The following PARP11 variants were observed in gnomAD, a reference collection of about 807,000 sequenced individuals.
PARP11 encodes poly(ADP-ribose) polymerase family member 11, also known as protein mono-ADP-ribosyltransferase PARP11.
In PARP11, 31 loss-of-function variants were observed where a neutral mutation model predicts 42.9. That is an observed-to-expected ratio of 0.72 (90% CI 0.54 to 0.98). The LOEUF (loss-of-function observed/expected upper bound fraction) is 0.98, where lower values mean the gene tolerates loss of function less well. Ranked by LOEUF, PARP11 falls within the 50% of genes least tolerant of loss-of-function variation. PARP11 has a pLI of 0.00. For missense variants in PARP11, 365 were observed against 413.1 expected (o/e 0.88, Z 1.01); for synonymous variants, 137 against 127.3 (o/e 1.08, Z -0.51).
At chr12:3,825,445 T>G (rs1591766127) in intron 4 of PARP11, among the ~76,000 whole-genome samples, 2 of 152,316 alleles carry the variant, frequency 1.3e-5, no homozygotes, top group African/African-American at 4.8e-5. Context: ...GAGATCAATG[T>G]AGGTGGAAAC....
chr12:3,814,162 C>CT lies in PARP11; in HGVS notation c.574dup (p.Arg192LysfsTer7), dbSNP rs768779447. On this transcript the variant is annotated frameshift_variant, in exon 7 of 8. Coordinates refer to ENST00000228820, the MANE Select transcript of PARP11 (RefSeq NM_020367.6). LOFTEE classifies it high-confidence loss of function. ...TTGTTCATTAATCTGAGGCACACCT[C>CT]TTTTTTTCTTGAGCTGAGCCTTTTT... The CT allele has an allele frequency of 2.5e-6, 4 of 1,603,836 alleles. No individual in the cohort carries two copies. Among genetic ancestry groups the CT allele is most frequent in the Non-Finnish European group, 3.4e-6 (4 of 1,173,560 alleles).
chr12:3,864,692 T>C (rs185467401), intron 1 of PARP11, among the ~76,000 whole-genome samples: 4 of 152,338 alleles, frequency 2.6e-5, no homozygotes, highest in Admixed American at 2.6e-4. Flanking sequence ...CTGCTTGATA[T>C]AAAGTTGTTC....
chr12:3,821,661 A>C (rs1228684583), intron 6 of PARP11, among the ~76,000 whole-genome samples: 1 of 152,242 alleles, frequency 6.6e-6, no homozygotes, highest in Non-Finnish European at 1.5e-5. Flanking sequence ...CTTGAAAGGA[A>C]GGAGCTTCTC....
intron 4 of PARP11, 84 bp from the exon 5 acceptor site, chr12:3,822,241 T>G (rs1947410641): frequency 9.9e-7 from 1 of 1,009,626 alleles, no homozygotes; most frequent in African/African-American, 1.6e-5. Flanking sequence ...AAAGCTTAAT[T>G]TTCATTTTCA....
intron 1 of PARP11, among the ~76,000 whole-genome samples, chr12:3,844,844 C>CT (rs1232405155): frequency 6.6e-6 from 1 of 152,064 alleles, no homozygotes; most frequent in Non-Finnish European, 1.5e-5. Context: ...CGCTTTTATC[C>CT]TTTAAGTTTG....
intron 6 of PARP11, among the ~76,000 whole-genome samples, chr12:3,815,641 C>T (rs190033990): frequency 1.4e-4 from 22 of 152,204 alleles, no homozygotes; most frequent in Admixed American, 6.5e-4. Context: ...CTGACTCCAC[C>T]GACACCACTG....
At chr12:3,858,229 T>C (rs1591536025) in intron 1 of PARP11, among the ~76,000 whole-genome samples, 1 of 152,202 alleles carries the variant, frequency 6.6e-6, no homozygotes, top group Non-Finnish European at 1.5e-5. Flanking sequence ...GTTTCTAATA[T>C]TGATAATGAG....
chr12:3,821,827 A>G, intron 6 of PARP11, 46 bp downstream of exon 6: 1 of 1,560,236 alleles, frequency 6.4e-7, no homozygotes, highest in Non-Finnish European at 8.7e-7. Flanking sequence ...TTTAACCATA[A>G]AAGACATAGT....
At position 3,810,274 on chromosome 12, in the gene PARP11, T is replaced by G. The variant is rs1274232055; in HGVS notation, c.*1849A>C. ...CTTTCTGAAAAAGGCTTGGTATACGTGCTGTCTTTTAAAGGCAGAATCATA... is the reference window on the plus strand; with the variant it reads ...CTTTCTGAAAAAGGCTTGGTATACGGGCTGTCTTTTAAAGGCAGAATCATA... On this transcript the variant is annotated 3_prime_UTR_variant, in exon 8 of 8. Transcript: ENST00000228820. 1 of 152,128 alleles carries G rather than the reference T, an allele frequency of 6.6e-6. No individual in the cohort carries two copies. The highest frequency in any genetic ancestry group is 1.9e-4 in the East Asian group (1 of 5,192). The allele number at this position is 152,128 out of a possible 1,614,324, so 9.4% of individuals were successfully genotyped here. A position where few individuals can be genotyped will look rare whatever the true frequency, so the allele number is the denominator to read the frequency against.
chr12:3,847,420 A>G (rs570074188), intron 1 of PARP11, among the ~76,000 whole-genome samples: 1 of 152,212 alleles, frequency 6.6e-6, no homozygotes, highest in Non-Finnish European at 1.5e-5. Context: ...AAAATCCTCA[A>G]TAAAATACTA....
intron 6 of PARP11, chr12:3,815,163 T>C: frequency 4.6e-6 from 2 of 430,142 alleles, no homozygotes; most frequent in South Asian, 3.3e-5. Flanking sequence ...AAACATTTCA[T>C]AAAAATCATA....
At chr12:3,829,523 A>G (rs986911319) in intron 2 of PARP11, among the ~76,000 whole-genome samples, 9 of 152,182 alleles carry the variant, frequency 5.9e-5, no homozygotes, top group Non-Finnish European at 1.2e-4. Context: ...TACTGTGAGG[A>G]TAAGGGAGAA....
intron 2 of PARP11, 119 bp from the exon 3 acceptor site, chr12:3,829,149 C>T (rs1169432649): frequency 5.0e-6 from 5 of 1,009,428 alleles, no homozygotes; most frequent in Non-Finnish European, 7.4e-6. Flanking sequence ...TTACTAATCA[C>T]CTGTTCTAGT....
At chr12:3,818,773 T>C (rs925944577) in intron 6 of PARP11, among the ~76,000 whole-genome samples, 3 of 152,366 alleles carry the variant, frequency 2.0e-5, no homozygotes. Context: ...CAGTATGTAA[T>C]CGTACAGATG....
intron 3 of PARP11, among the ~76,000 whole-genome samples, chr12:3,827,900 AAAT>A (rs1947559977): frequency 6.6e-6 from 1 of 152,212 alleles, no homozygotes; most frequent in Non-Finnish European, 1.5e-5. Context: ...GTAGCAAACA[AAAT>A]GTACTTTTAT....
Position 3,811,785 on chromosome 12 carries a change from A to T in PARP11, c.*338T>A, listed in dbSNP as rs1759604196. On this transcript the variant is annotated 3_prime_UTR_variant, in exon 8 of 8. Transcript: ENST00000228820. ...TACGAATAAGTCTATTTAAACTAAA[A>T]TCATTTATCCTGATAACACACACGT... is the stretch of plus-strand genomic sequence containing the variant. The T allele has an allele frequency of 4.6e-6, 1 of 219,624 alleles. No homozygotes were observed. Among genetic ancestry groups the T allele is most frequent in the Admixed American group, 5.6e-5 (1 of 17,972 alleles). 13.6% of individuals were successfully genotyped at this position (219,624 alleles called of 1,614,324 possible). A position where few individuals can be genotyped will look rare whatever the true frequency, so the allele number is the denominator to read the frequency against.
At chr12:3,851,011 C>T (rs188370607) in intron 1 of PARP11, among the ~76,000 whole-genome samples, 1 of 152,296 alleles carries the variant, frequency 6.6e-6, no homozygotes, top group Non-Finnish European at 1.5e-5. Context: ...ACAGAGAATC[C>T]ATGCCACTTA....
At chr12:3,839,772 TAAAG>T (rs1947849099) in intron 1 of PARP11, 13 of 1,134,304 alleles carry the variant, frequency 1.1e-5, no homozygotes, top group African/African-American at 1.5e-5. Context: ...CCGTAAAGTA[TAAAG>T]AAAGCTCTGC....
intron 1 of PARP11, among the ~76,000 whole-genome samples, chr12:3,846,516 G>A (rs1948000367): frequency 6.6e-6 from 1 of 152,028 alleles, no homozygotes; most frequent in South Asian, 2.1e-4. Context: ...CAGCACTTTG[G>A]GAGGCCAAGG....
Sources: gnomAD v4.1 joint callset for allele counts (sites outside exome capture counted in the v4.1 genomes callset) on GRCh38, gnomAD v4.1.1 for gene constraint, MANE v1.5 for transcripts, NCBI Gene and HGNC (gene_info 2026-07-23, HGNC 2026-07-21) for gene names.